TMEM108: variants seen among roughly 807,000 people sequenced by gnomAD.
TMEM108 encodes cancer/testis antigen 124.
In TMEM108, 12 loss-of-function variants were observed where a neutral mutation model predicts 35.1. That is an observed-to-expected ratio of 0.34 (90% CI 0.22 to 0.55). The LOEUF is 0.55. TMEM108 is among the 20% of genes least tolerant of loss of function. TMEM108 has a pLI of 0.89. For synonymous variants in TMEM108, 287 were observed against 308.6 expected, an observed-to-expected ratio of 0.93 and a Z score of 0.73; for missense variants, 680 against 753.3, an observed-to-expected ratio of 0.90 and a Z score of 1.14.
intron 3 of TMEM108, among the ~76,000 whole-genome samples, chr3:133,351,941 A>G (rs1016177021): frequency 1.1e-4 from 17 of 151,786 alleles, no homozygotes; most frequent in African/African-American, 3.9e-4. Context: ...GTTTTTAAAA[A>G]CCCCGTTGAC....
chr3:133,168,726 T>G (rs1471551160), intron 2 of TMEM108, among the ~76,000 whole-genome samples: 3 of 152,192 alleles, frequency 2.0e-5, no homozygotes, highest in Non-Finnish European at 2.9e-5. Context: ...TCAGGTCCCC[T>G]TTCACACTGT....
chr3:133,129,353 C>G (rs1026314217), intron 2 of TMEM108, among the ~76,000 whole-genome samples: 10 of 134,160 alleles, frequency 7.5e-5, no homozygotes, highest in African/African-American at 2.4e-4. Flanking sequence ...CCCACACCCC[C>G]CCCCCCAAAA....
chr3:133,064,334 A>C (rs1943570239), intron 2 of TMEM108, among the ~76,000 whole-genome samples: 1 of 152,334 alleles, frequency 6.6e-6, no homozygotes, highest in South Asian at 2.1e-4. Context: ...CTTTGGAAGC[A>C]CTAGATTTGA....
At chr3:133,284,366 A>G (rs1946956089) in intron 3 of TMEM108, among the ~76,000 whole-genome samples, 1 of 152,156 alleles carries the variant, frequency 6.6e-6, no homozygotes, top group African/African-American at 2.4e-5. Flanking sequence ...TAAGTAATTT[A>G]TACATAGAAA....
intron 2 of TMEM108, among the ~76,000 whole-genome samples, chr3:133,096,677 C>T (rs933297035): frequency 1.3e-5 from 2 of 152,134 alleles, no homozygotes; most frequent in African/African-American, 2.4e-5. Flanking sequence ...AGAGCAAAGC[C>T]GATTCTGTAA....
intron 2 of TMEM108, among the ~76,000 whole-genome samples, chr3:133,145,950 G>C (rs188800324): frequency 5.3e-5 from 8 of 152,008 alleles, no homozygotes; most frequent in East Asian, 1.9e-4. Context: ...ATTTGAATAC[G>C]CTTTATTTCT....
Position 133,395,868 on chromosome 3 carries a change from A to G in TMEM108, c.1610A>G (p.Gln537Arg). The G allele has an allele frequency of 2.5e-6, 4 of 1,584,124 alleles. No homozygotes were observed. The highest frequency in any genetic ancestry group is 3.4e-6 in the Non-Finnish European group (4 of 1,166,110). Residue 537 changes from glutamine to arginine, a missense_variant, in exon 6 of 6, where the codon CAG becomes CGG. Around this residue, in one of 3 missense-constraint regions of TMEM108, gnomAD observed 105 missense variants for 150.7 expected, o/e 0.70. Coordinates refer to ENST00000321871, the MANE Select transcript of TMEM108 (RefSeq NM_023943.4). ...EIQSLETSED[Q>R]LSEPRSPANG... ...CTCCTCCCTCTCTCTTCCCAGGACC[A>G]GCTCTCAGAGCCCCGCTCCCCAGCC...
chr3:133,188,125 G>T (rs1461654882), intron 2 of TMEM108, among the ~76,000 whole-genome samples: 6 of 152,154 alleles, frequency 3.9e-5, no homozygotes, highest in Non-Finnish European at 7.4e-5. Flanking sequence ...ATTCAAAGCT[G>T]AGTTAAAAAG....
At chr3:133,242,700 G>A (rs116772467) in intron 3 of TMEM108, among the ~76,000 whole-genome samples, 2,129 of 152,334 alleles carry the variant, frequency 0.014, 16 homozygotes, top group Middle Eastern at 0.027. Context: ...TGATTGTTCC[G>A]TGTTTGATGA....
chr3:133,132,121 C>T lies in TMEM108; in HGVS notation c.-47+86101C>T, dbSNP rs192691271. Among the ~76,000 whole-genome samples the T allele has an allele frequency of 3.0e-4, 46 of 152,232 alleles. 1 individual carries two copies. Among genetic ancestry groups the T allele is most frequent in the African/African-American group, 1.0e-3 (43 of 41,540 alleles). On this transcript the variant is annotated intron_variant, in intron 2 of 5. Transcript: ENST00000321871. The stretch of plus-strand genomic sequence containing the variant: ...AAGCCATCTCCATAACAGAAAAGTA[C>T]CAAGTGACGCAGCAAGTGCTCATGG...
intron 2 of TMEM108, among the ~76,000 whole-genome samples, chr3:133,075,682 T>C (rs535239424): frequency 2.6e-5 from 4 of 152,286 alleles, no homozygotes; most frequent in Non-Finnish European, 5.9e-5. Flanking sequence ...ATATCCATTC[T>C]AACAGGTGTG....
chr3:133,041,373 C>T (rs1051370803), intron 1 of TMEM108, among the ~76,000 whole-genome samples: 1 of 152,102 alleles, frequency 6.6e-6, no homozygotes, highest in Non-Finnish European at 1.5e-5. Flanking sequence ...TGTCACCCCC[C>T]AGGGCTCCCA....
chr3:133,290,322 T>C (rs1294387307), intron 3 of TMEM108, among the ~76,000 whole-genome samples: 1 of 152,140 alleles, frequency 6.6e-6, no homozygotes, highest in Non-Finnish European at 1.5e-5. Flanking sequence ...TTAGTTCTTC[T>C]CTTCATAAGC....
chr3:133,309,804 T>C (rs59114325), intron 3 of TMEM108, among the ~76,000 whole-genome samples: 50,347 of 147,052 alleles, frequency 0.34, 8,866 homozygotes, highest in East Asian at 0.48. Context: ...GGGTTCACGC[T>C]ATTCTCCTGC....
intron 2 of TMEM108, among the ~76,000 whole-genome samples, chr3:133,225,096 G>C (rs2107858858): frequency 6.8e-6 from 1 of 147,342 alleles, no homozygotes; most frequent in Middle Eastern, 3.6e-3. Flanking sequence ...CTAGGCTGGA[G>C]TGCAATGGCG....
intron 2 of TMEM108, among the ~76,000 whole-genome samples, chr3:133,116,420 T>A (rs868506471): frequency 4.6e-5 from 7 of 152,156 alleles, no homozygotes; most frequent in African/African-American, 1.7e-4. Flanking sequence ...GCAAAAAAAA[T>A]TTGAAATCCA....
At chr3:133,193,723 A>T (rs1193414403) in intron 2 of TMEM108, among the ~76,000 whole-genome samples, 1 of 152,138 alleles carries the variant, frequency 6.6e-6, no homozygotes, top group African/African-American at 2.4e-5. Context: ...ACAGGGCTTT[A>T]GGTATACTTT....
chr3:133,102,467 G>C (rs1333354749), intron 2 of TMEM108, among the ~76,000 whole-genome samples: 3 of 152,150 alleles, frequency 2.0e-5, no homozygotes, highest in Non-Finnish European at 4.4e-5. Flanking sequence ...CCAGCTAGCT[G>C]CTGCTCCTGT....
intron 2 of TMEM108, among the ~76,000 whole-genome samples, chr3:133,101,493 A>G (rs1944086806): frequency 2.0e-5 from 3 of 152,222 alleles, no homozygotes; most frequent in Non-Finnish European, 1.5e-5. Flanking sequence ...GCATGTATGT[A>G]GAACTTTTGG....
Sources: allele counts gnomAD v4.1 joint callset (sites outside exome capture counted in the v4.1 genomes callset), GRCh38; gene constraint gnomAD v4.1.1; regional missense constraint gnomAD v4.1.1; transcripts MANE v1.5; gene names NCBI Gene and HGNC (gene_info 2026-07-23, HGNC 2026-07-21).